Variants in CHRNA2 observed in about 807,000 individuals in gnomAD.
The protein encoded by CHRNA2 is cholinergic receptor nicotinic alpha 2 subunit.
CHRNA2 carries 40 observed loss-of-function variants against 45.5 expected under a neutral mutation model. That is an observed-to-expected ratio of 0.88 (90% CI 0.68 to 1.15). The LOEUF (loss-of-function observed/expected upper bound fraction) is 1.15. Among genes scored for constraint, CHRNA2 ranks in the 50% most tolerant of loss-of-function variants. The probability of loss-of-function intolerance (pLI) is 0.00; values close to 1 mark genes in which losing one functional copy is unlikely to be tolerated. For missense variants in CHRNA2, 655 were observed against 701.7 expected (o/e 0.93, Z 0.75); for synonymous variants, 301 against 296.7 (o/e 1.01, Z -0.15).
chr8:27,463,319 G>GGC lies in CHRNA2; in HGVS notation c.1122_1123dup (p.Pro375ArgfsTer6). On this transcript the variant is annotated frameshift_variant, in exon 6 of 7. Coordinates refer to ENST00000407991, the MANE Select transcript of CHRNA2 (RefSeq NM_000742.4). LOFTEE classifies it high-confidence loss of function. This position sits in a 1 kb window ranked among gnomAD's most constrained non-coding sequence, Gnocchi z 6.1. ...GGGCCGGTTCATCAGAAGCCACCGG[G>GGC]GCACACAGCCCAGAAGGGCCCCCCG... The GGC allele has an allele frequency of 2.5e-6, 4 of 1,612,564 alleles. No individual in the cohort carries two copies. The highest frequency in any genetic ancestry group is 3.4e-6 in the Non-Finnish European group (4 of 1,178,944).
In CHRNA2 at chr8:27,461,414, C is replaced by A; in HGVS notation, c.*215G>T. On this transcript the variant is annotated 3_prime_UTR_variant, in exon 7 of 7. Coordinates refer to ENST00000407991, the MANE Select transcript of CHRNA2 (RefSeq NM_000742.4). ...ACCTTCTGCAGAGCTTCCCCAGCTC[C>A]TCCGTATCCAAAACAGGGCTTTGCA... 1.6e-6 allele frequency: 1 copy of A among 637,466 alleles called. No homozygotes were observed. Among genetic ancestry groups the A allele is most frequent in the Non-Finnish European group, 2.7e-6 (1 of 377,290 alleles). 39.5% of individuals were successfully genotyped at this position (637,466 alleles called of 1,614,324 possible).
In CHRNA2 at chr8:27,461,848, G is replaced by A. The variant is rs147064296; in HGVS notation, c.1465-94C>T. 3,677 of 1,579,708 alleles carry A rather than the reference G, an allele frequency of 2.3e-3. 80 individuals are homozygous for A. In the African/African-American group the frequency reaches 0.044, roughly 19 times the overall value. ...GCCCCTGCACAGGCGGCCACTGGGGGCAGCAGCAACTGCCCCACAGAGACC... is the reference window on the plus strand; with the variant it reads ...GCCCCTGCACAGGCGGCCACTGGGGACAGCAGCAACTGCCCCACAGAGACC... On this transcript the variant is annotated intron_variant, in intron 6 of 6. Transcript: ENST00000407991.
At chr8:27,477,029 G>A (rs1813082595) in intron 1 of CHRNA2, 1 of 151,660 alleles carries the variant, frequency 6.6e-6, no homozygotes, top group Admixed American at 6.6e-5. Context: ...CAGAGAAGTT[G>A]ACCAAAGCCA....
chr8:27,470,072 A>G lies in CHRNA2; in HGVS notation c.74-91T>C, dbSNP rs554250940. 6.0e-6 allele frequency: 7 copies of G among 1,164,414 alleles called. No homozygotes were observed. In the East Asian group the frequency reaches 7.6e-5, roughly 13 times the overall value. The allele number at this position is 1,164,414 out of a possible 1,614,324, so 72.1% of individuals were successfully genotyped here. A position where few individuals can be genotyped will look rare whatever the true frequency, so the allele number is the denominator to read the frequency against. ...GCTTATCCAGAACCTATCTCAAAAC[A>G]TTGTTGAAGATGGCAGATGATAATG... On this transcript the variant is annotated intron_variant, in intron 2 of 6. Coordinates refer to ENST00000407991, the MANE Select transcript of CHRNA2 (RefSeq NM_000742.4).
chr8:27,469,390 GA>G lies in CHRNA2; in HGVS notation c.295-12del. On this transcript the variant is annotated splice_polypyrimidine_tract_variant and intron_variant, in intron 3 of 6. Transcript: ENST00000407991. Reference sequence around the variant, plus strand: ...TTGGTTCTTCTCATCCTGGCCCAGAGAGAGACAGAGGAGCAATTAAAGGGGT... The same window carrying G: ...TTGGTTCTTCTCATCCTGGCCCAGAGGAGACAGAGGAGCAATTAAAGGGGT... The G allele has an allele frequency of 6.4e-7, 1 of 1,555,416 alleles. No homozygotes were observed. Among genetic ancestry groups the G allele is most frequent in the Non-Finnish European group, 8.7e-7 (1 of 1,148,804 alleles).
rs751816159 is a variant in CHRNA2, at chr8:27,467,197, C to T, written c.449+32G>A. ...CCCGGCCCCTGCAAGTTGGCCTCCC[C>T]TCATCCCCCCAGGACCCCAATGGCT... On this transcript the variant is annotated intron_variant, in intron 5 of 6. Transcript: ENST00000407991. 4.4e-6 allele frequency: 7 copies of T among 1,579,014 alleles called. 1 individual carries two copies. The East Asian group carries it at 1.1e-4, about 25-fold the overall frequency.
chr8:27,473,249 G>C (rs1486761589), intron 1 of CHRNA2, among the ~76,000 whole-genome samples: 1 of 152,134 alleles, frequency 6.6e-6, no homozygotes, highest in Admixed American at 6.5e-5. Flanking sequence ...GTGGGTGCAG[G>C]ATTTCCTTTG....
intron 1 of CHRNA2, among the ~76,000 whole-genome samples, chr8:27,474,219 T>G: frequency 6.6e-6 from 1 of 152,032 alleles, no homozygotes; most frequent in African/African-American, 2.4e-5. Flanking sequence ...GTGGGAAGGA[T>G]TTGATGTGAA....
At chr8:27,464,699 G>A (rs568672203) in intron 5 of CHRNA2, among the ~76,000 whole-genome samples, 1 of 144,574 alleles carries the variant, frequency 6.9e-6, no homozygotes, top group Admixed American at 6.6e-5. Context: ...TTAGGAGGGC[G>A]ATCCCTTTCC....
At chr8:27,469,599 G>C in intron 3 of CHRNA2, 162 bp downstream of exon 3, 3 of 929,504 alleles carry the variant, frequency 3.2e-6, no homozygotes, top group Middle Eastern at 2.5e-4. Flanking sequence ...CCAGAGCTGG[G>C]AGAGGGGAGA....
At chr8:27,472,370 G>A (rs562407063) in intron 1 of CHRNA2, among the ~76,000 whole-genome samples, 44 of 152,300 alleles carry the variant, frequency 2.9e-4, no homozygotes, top group Admixed American at 2.0e-3. Flanking sequence ...CCCTCGACGT[G>A]TGGGATCTGA....
Position 27,471,126 on chromosome 8 carries a change from C to T in CHRNA2, c.-68G>A. ...TGGGTTGCACCATGGACCATGTCCCCAGCAGAGCTGCTGCTGGATTCTGTG... is the reference window on the plus strand; with the variant it reads ...TGGGTTGCACCATGGACCATGTCCCTAGCAGAGCTGCTGCTGGATTCTGTG... On this transcript the variant is annotated 5_prime_UTR_variant, in exon 2 of 7. Coordinates refer to ENST00000407991, the MANE Select transcript of CHRNA2 (RefSeq NM_000742.4). 1.4e-6 allele frequency: 2 copies of T among 1,417,368 alleles called. No homozygotes were observed. Among genetic ancestry groups the T allele is most frequent in the Non-Finnish European group, 2.0e-6 (2 of 1,004,890 alleles). 87.8% of individuals were successfully genotyped at this position (1,417,368 alleles called of 1,614,324 possible).
intron 1 of CHRNA2, among the ~76,000 whole-genome samples, chr8:27,473,530 C>CCT (rs1554516133): frequency 8.3e-6 from 1 of 120,762 alleles, no homozygotes. Flanking sequence ...TGAGACCCCC[C>CCT]CCGCCGTCTC....
At chr8:27,478,786 A>G (rs1813137530) in intron 1 of CHRNA2, 38 bp downstream of exon 1, 1 of 152,216 alleles carries the variant, frequency 6.6e-6, no homozygotes, top group South Asian at 2.1e-4. Context: ...CTCCACATGC[A>G]TGCCGCCCTC....
At position 27,463,131 on chromosome 8, in the gene CHRNA2, TG is replaced by T; in HGVS notation, c.1311del (p.Cys437Ter). The T allele has an allele frequency of 6.2e-7, 1 of 1,606,000 alleles. No homozygotes were observed. The highest frequency in any genetic ancestry group is 8.5e-7 in the Non-Finnish European group (1 of 1,173,400). On this transcript the variant is annotated frameshift_variant, in exon 6 of 7. Coordinates refer to ENST00000407991, the MANE Select transcript of CHRNA2 (RefSeq NM_000742.4). LOFTEE classifies it high-confidence loss of function. The surrounding 1 kb of genome is among the most constrained non-coding windows in gnomAD (Gnocchi z 6.1). ...GCCCCAGAGTGCAGGTGGCCGTGGC[TG>T]CAGAGGGTGCCCACAGAGGGGGCCA... is the stretch of plus-strand genomic sequence containing the variant. ...GHVAPSVGTL[C>X]SHGHLHSGAS... is the part of the protein sequence containing the mutation.
chr8:27,462,889 G>C, intron 6 of CHRNA2, 90 bp downstream of exon 6: 1 of 1,531,924 alleles, frequency 6.5e-7, no homozygotes. Flanking sequence ...GAGGGGCCTG[G>C]GCTGCCCAAG....
intron 4 of CHRNA2, 177 bp from the exon 5 acceptor site, chr8:27,467,515 A>G (rs890456672): frequency 3.2e-5 from 19 of 595,936 alleles, no homozygotes; most frequent in Non-Finnish European, 5.1e-5. Context: ...GCTCTGAGCA[A>G]GTAACCAACC....
At position 27,471,049 on chromosome 8, in the gene CHRNA2, AG is replaced by A. The variant is rs763333246; in HGVS notation, c.9del (p.Ser4ProfsTer18). On this transcript the variant is annotated frameshift_variant, in exon 2 of 7. Transcript: ENST00000407991. LOFTEE classifies it high-confidence loss of function. ...GTGAAGGACAGGAACACAGGACAGG[AG>A]GGGCCCATGGCTTCTCCTGAGCATC... MG[P>X]SCPVFLSFTK... 6.2e-7 allele frequency: 1 copy of A among 1,614,048 alleles called. No individual in the cohort carries two copies. The highest frequency in any genetic ancestry group is 8.5e-7 in the Non-Finnish European group (1 of 1,179,958).
intron 5 of CHRNA2, among the ~76,000 whole-genome samples, chr8:27,466,027 T>A (rs1586394107): frequency 6.6e-6 from 1 of 152,192 alleles, no homozygotes; most frequent in African/African-American, 2.4e-5. Context: ...CTCTGCCACA[T>A]GTACAGGAAG....
Sources: gnomAD v4.1 joint callset for allele counts (sites outside exome capture counted in the v4.1 genomes callset) on GRCh38, gnomAD v4.1.1 for gene constraint, Gnocchi (gnomAD v3.1) non-coding constraint, MANE v1.5 for transcripts, NCBI Gene and HGNC (gene_info 2026-07-23, HGNC 2026-07-21) for gene names.